PCDH11X: variants seen among roughly 807,000 people sequenced by gnomAD.
PCDH11X encodes protocadherin-11 X-linked.
In PCDH11X, 18 loss-of-function variants were observed where a neutral mutation model predicts 53.3. That is an observed-to-expected ratio of 0.34 (90% CI 0.23 to 0.50). PCDH11X has a LOEUF of 0.50. Ranked by LOEUF, PCDH11X falls within the 20% of genes least tolerant of loss-of-function variation. PCDH11X has a pLI of 0.98. For synonymous variants in PCDH11X, 279 were observed against 393.3 expected, an observed-to-expected ratio of 0.71 and a Z score of 3.44; for missense variants, 570 against 1,032.4, an observed-to-expected ratio of 0.55 and a Z score of 6.14.
intron 10 of PCDH11X, among the ~76,000 whole-genome samples, chrX:92,569,267 G>A (rs193128161): frequency 1.8e-5 from 2 of 110,884 alleles, no homozygotes; most frequent in African/African-American, 3.3e-5. Flanking sequence ...AATACTTGAT[G>A]AGTATTTGAA....
At chrX:91,967,747 C>A (rs2061889070) in intron 6 of PCDH11X, among the ~76,000 whole-genome samples, 1 of 112,226 alleles carries the variant, frequency 8.9e-6, no homozygotes, top group Non-Finnish European at 1.9e-5. Context: ...TTTAAGTGTA[C>A]TTTATTCTGT....
intron 10 of PCDH11X, among the ~76,000 whole-genome samples, chrX:92,597,467 C>T (rs1925752821): frequency 9.0e-6 from 1 of 110,867 alleles, no homozygotes; most frequent in African/African-American, 3.3e-5. Flanking sequence ...ATTAACATAA[C>T]CAAAGAAGTA....
At chrX:92,552,775 C>G (rs1449311341) in intron 10 of PCDH11X, among the ~76,000 whole-genome samples, 2 of 111,105 alleles carry the variant, frequency 1.8e-5, no homozygotes, top group Non-Finnish European at 3.8e-5. Context: ...ATACTTTCAG[C>G]ATCAGTTGAA....
intron 6 of PCDH11X, among the ~76,000 whole-genome samples, chrX:92,073,735 G>A (rs1413582907): frequency 1.8e-5 from 2 of 111,980 alleles, no homozygotes; most frequent in Admixed American, 9.5e-5. Context: ...TCTAAATGAG[G>A]CAGGTAGCCC....
At chrX:91,938,705 T>G (rs2061474640) in intron 6 of PCDH11X, among the ~76,000 whole-genome samples, 1 of 110,855 alleles carries the variant, frequency 9.0e-6, no homozygotes, top group Non-Finnish European at 1.9e-5. Context: ...CTAGAAATAG[T>G]GCCTGTTTCT....
At chrX:92,248,332 C>CTGATA (rs1215774734) in intron 7 of PCDH11X, among the ~76,000 whole-genome samples, 4 of 111,731 alleles carry the variant, frequency 3.6e-5, no homozygotes, top group Admixed American at 2.9e-4. Flanking sequence ...AAGTCAGTAT[C>CTGATA]AGAAAGTTAG....
intron 5 of PCDH11X, among the ~76,000 whole-genome samples, chrX:91,850,530 AT>A (rs1241307446): frequency 9.0e-6 from 1 of 111,701 alleles, no homozygotes; most frequent in Non-Finnish European, 1.9e-5. Flanking sequence ...GATAAAAAGT[AT>A]TTTTAAAATA....
intron 7 of PCDH11X, among the ~76,000 whole-genome samples, chrX:92,207,045 C>T (rs2066488911): frequency 1.8e-5 from 2 of 111,444 alleles, no homozygotes; most frequent in Non-Finnish European, 3.8e-5. Flanking sequence ...TATTTTGATA[C>T]ATAACTGGAG....
At chrX:92,578,297 C>T (rs1240148231) in intron 10 of PCDH11X, among the ~76,000 whole-genome samples, 2 of 105,497 alleles carry the variant, frequency 1.9e-5, no homozygotes, top group Non-Finnish European at 3.9e-5. Flanking sequence ...CACCAAGACA[C>T]GTGTATACCT....
At chrX:92,099,842 A>G (rs1300518082) in intron 6 of PCDH11X, among the ~76,000 whole-genome samples, 1 of 111,170 alleles carries the variant, frequency 9.0e-6, no homozygotes, top group African/African-American at 3.3e-5. Context: ...AGTAATCAAA[A>G]CCAATTCAAT....
intron 8 of PCDH11X, among the ~76,000 whole-genome samples, chrX:92,321,275 C>T (rs2069199888): frequency 9.6e-6 from 1 of 104,288 alleles, no homozygotes; most frequent in East Asian, 3.2e-4. Context: ...TCACTGCGAG[C>T]TCCGCCACCC....
At chrX:92,201,269 C>G in intron 6 of PCDH11X, 106 bp from the exon 7 acceptor site, 1 of 1,043,266 alleles carries the variant, frequency 9.6e-7, no homozygotes, top group African/African-American at 2.0e-5. Flanking sequence ...GATAATCTAC[C>G]CAGGCACTAT....
Position 91,932,671 on chromosome X carries a change from A to AGTGTGTGT in PCDH11X, c.3033+53420_3033+53427dup, listed in dbSNP as rs67334455. 5.7e-3 allele frequency among the ~76,000 whole-genome samples: 536 copies of AGTGTGTGT among 94,581 alleles called. 6 individuals are homozygous for AGTGTGTGT. The highest frequency in any genetic ancestry group is 0.016 in the East Asian group (43 of 2,616). The allele number at this position is 94,581 out of a possible 115,157, so 82.1% of individuals were successfully genotyped here. A position where few individuals can be genotyped will look rare whatever the true frequency, so the allele number is the denominator to read the frequency against. On this transcript the variant is annotated intron_variant, in intron 6 of 10. Transcript: ENST00000682573. ...ATGGTGTATGTGTCTGCATTGTGTG[A>AGTGTGTGT]GTGTGTGTGTGTGTGTGTGTGTGTG...
chrX:91,789,053 T>C lies in PCDH11X; in HGVS notation c.-379+9369T>C, dbSNP rs1194884940. 1.0e-4 allele frequency among the ~76,000 whole-genome samples: 11 copies of C among 107,204 alleles called. No homozygotes were observed. The Admixed American group carries it at 1.1e-3, about 11-fold the overall frequency. The allele number at this position is 107,204 out of a possible 115,157, so 93.1% of individuals were successfully genotyped here. A position where few individuals can be genotyped will look rare whatever the true frequency, so the allele number is the denominator to read the frequency against. ...TCTCTACTAAAAAAAATTACAAAAATTAGCTGGGCGTCTTGCTGCGCGCCT... is the reference window on the plus strand; with the variant it reads ...TCTCTACTAAAAAAAATTACAAAAACTAGCTGGGCGTCTTGCTGCGCGCCT... On this transcript the variant is annotated intron_variant, in intron 1 of 10. Coordinates refer to ENST00000682573, the MANE Select transcript of PCDH11X (RefSeq NM_032968.5).
intron 6 of PCDH11X, among the ~76,000 whole-genome samples, chrX:91,909,983 GTCA>G (rs1391942033): frequency 9.0e-6 from 1 of 111,441 alleles, no homozygotes; most frequent in Non-Finnish European, 1.9e-5. Context: ...ATTAACTATA[GTCA>G]TCATGTTGTA....
chrX:92,452,463 GTATATA>G (rs763381982), intron 9 of PCDH11X, among the ~76,000 whole-genome samples: 3,852 of 44,668 alleles, frequency 0.086, 338 homozygotes, highest in African/African-American at 0.21. Context: ...GTGTGTGTGT[GTATATA>G]TATATATATA....
intron 9 of PCDH11X, among the ~76,000 whole-genome samples, chrX:92,406,098 C>CAAAAAAA (rs61310716): frequency 3.5e-5 from 2 of 56,492 alleles, no homozygotes; most frequent in African/African-American, 7.2e-5. Flanking sequence ...GACTCTGTCT[C>CAAAAAAA]AAAAAAAAAA....
intron 7 of PCDH11X, among the ~76,000 whole-genome samples, chrX:92,204,537 T>C (rs2066443763): frequency 1.8e-5 from 2 of 112,192 alleles, no homozygotes; most frequent in Non-Finnish European, 3.8e-5. Flanking sequence ...TCATTGTCCA[T>C]GTCACTATCA....
intron 4 of PCDH11X, among the ~76,000 whole-genome samples, chrX:91,818,221 A>T (rs5984124): frequency 0.12 from 12,936 of 110,451 alleles, 2,056 homozygotes; most frequent in African/African-American, 0.41. Flanking sequence ...CCCAAGTAAT[A>T]GGAGCCTCTA....
Sources: allele counts gnomAD v4.1 joint callset (sites outside exome capture counted in the v4.1 genomes callset), GRCh38; gene constraint gnomAD v4.1.1; transcripts MANE v1.5; gene names NCBI Gene and HGNC (gene_info 2026-07-23, HGNC 2026-07-21).